Variants in SACM1L observed in about 807,000 individuals in gnomAD.
SACM1L encodes phosphatidylinositol-3-phosphatase SAC1.
Under a neutral mutation model 89.5 loss-of-function variants are expected in SACM1L, and 32 were observed. The observed-to-expected ratio is 0.36, with a 90% CI of 0.27 to 0.48. The LOEUF (loss-of-function observed/expected upper bound fraction) is 0.48. Ranked by LOEUF, SACM1L falls within the 20% of genes least tolerant of loss-of-function variation. SACM1L has a pLI of 0.99. For missense variants in SACM1L, 543 were observed against 708.5 expected (o/e 0.77, Z 2.65); for synonymous variants, 213 against 232.8 (o/e 0.92, Z 0.77).
intron 4 of SACM1L, 163 bp downstream of exon 4, chr3:45,707,070 T>C (rs1575391612): frequency 1.8e-6 from 1 of 547,476 alleles, no homozygotes; most frequent in Non-Finnish European, 3.0e-6. Context: ...ATAAAAAATA[T>C]TTTTTAAATC....
intron 6 of SACM1L, 117 bp downstream of exon 6, chr3:45,713,313 G>A (rs1698569512): frequency 1.3e-6 from 1 of 782,388 alleles, no homozygotes; most frequent in Non-Finnish European, 2.0e-6. Context: ...TAATTTAACT[G>A]TTTATAACTT....
rs1310026531 is a variant in SACM1L, at chr3:45,726,902, G to A, written c.921+3359G>A. ...TTTTTTTTTTTTTTTTTTTTGAGAC[G>A]GAGTCTCGCTCTGTCACCCAGGCCG... On this transcript the variant is annotated intron_variant, in intron 11 of 19. Transcript: ENST00000389061. Among the ~76,000 whole-genome samples the A allele has an allele frequency of 8.0e-4, 13 of 16,204 alleles. 1 individual carries two copies. The highest frequency in any genetic ancestry group is 7.1e-3 in the East Asian group (11 of 1,542). 10.6% of individuals were successfully genotyped at this position (16,204 alleles called of 152,430 possible). A position where few individuals can be genotyped will look rare whatever the true frequency, so the allele number is the denominator to read the frequency against.
At chr3:45,723,091 C>T in intron 10 of SACM1L, 136 bp downstream of exon 10, 1 of 736,876 alleles carries the variant, frequency 1.4e-6, no homozygotes, top group Non-Finnish European at 2.2e-6. Context: ...GGTTCCGGCA[C>T]ATAGTAAACC....
At chr3:45,723,775 A>G (rs144504716) in intron 11 of SACM1L, among the ~76,000 whole-genome samples, 64 of 152,072 alleles carry the variant, frequency 4.2e-4, no homozygotes, top group African/African-American at 1.5e-3. Flanking sequence ...TGGTAATTCT[A>G]TTTTACTTTC....
At chr3:45,723,044 T>G in intron 10 of SACM1L, 89 bp downstream of exon 10, 1 of 1,114,824 alleles carries the variant, frequency 9.0e-7, no homozygotes, top group Non-Finnish European at 1.3e-6. Context: ...TTATTCCGCA[T>G]AAATCAATGT....
At chr3:45,696,911 A>ACT (rs1698140800) in intron 1 of SACM1L, among the ~76,000 whole-genome samples, 1 of 152,222 alleles carries the variant, frequency 6.6e-6, no homozygotes, top group African/African-American at 2.4e-5. Flanking sequence ...ATTTAACAAG[A>ACT]CTAATTTTTT....
At chr3:45,718,887 A>G (rs1290785466) in intron 7 of SACM1L, among the ~76,000 whole-genome samples, 1 of 152,106 alleles carries the variant, frequency 6.6e-6, no homozygotes. Context: ...AGTAAGGGAA[A>G]TAACTTTATA....
chr3:45,716,432 G>T (rs1280867778), intron 7 of SACM1L, among the ~76,000 whole-genome samples: 1 of 152,166 alleles, frequency 6.6e-6, no homozygotes, highest in Admixed American at 6.5e-5. Context: ...TCACACCACT[G>T]TGTTCTAGCC....
chr3:45,733,203 A>C (rs188789739), intron 13 of SACM1L, among the ~76,000 whole-genome samples: 2 of 152,350 alleles, frequency 1.3e-5, no homozygotes, highest in African/African-American at 2.4e-5. Flanking sequence ...TGTGGTCCAC[A>C]GGGAGAGCAG....
intron 1 of SACM1L, among the ~76,000 whole-genome samples, chr3:45,693,860 T>G (rs1269730546): frequency 2.6e-5 from 4 of 152,232 alleles, no homozygotes; most frequent in Non-Finnish European, 5.9e-5. Context: ...GTTCTAAATA[T>G]CCTGTTAGGC....
At chr3:45,732,468 A>G (rs1227177785) in intron 13 of SACM1L, among the ~76,000 whole-genome samples, 1 of 152,194 alleles carries the variant, frequency 6.6e-6, no homozygotes, top group East Asian at 1.9e-4. Context: ...TAGACATTCT[A>G]TCACAAGTAT....
At chr3:45,701,243 AG>A (rs1420028708) in intron 1 of SACM1L, among the ~76,000 whole-genome samples, 1 of 152,076 alleles carries the variant, frequency 6.6e-6, no homozygotes, top group East Asian at 1.9e-4. Flanking sequence ...TTGTAGTAAT[AG>A]AGTATGGTGA....
chr3:45,696,887 T>C lies in SACM1L; in HGVS notation c.33-6551T>C, dbSNP rs181975148. On this transcript the variant is annotated intron_variant, in intron 1 of 19. Transcript: ENST00000389061. ...GATGTTAATATTATAATTAAAGATA[T>C]TGCTTTTCTTAAAATTTAACAAGAC... Among the ~76,000 whole-genome samples the C allele has an allele frequency of 7.5e-4, 115 of 152,326 alleles. No homozygotes were observed. In the Middle Eastern group the frequency reaches 0.01, roughly 14 times the overall value.
chr3:45,719,853 G>A (rs1302813299), intron 8 of SACM1L, among the ~76,000 whole-genome samples: 1 of 152,106 alleles, frequency 6.6e-6, no homozygotes, highest in Non-Finnish European at 1.5e-5. Context: ...GTTGTTTGCT[G>A]GATGTCCGAA....
chr3:45,692,028 C>T (rs1483801899), intron 1 of SACM1L, among the ~76,000 whole-genome samples: 1 of 152,222 alleles, frequency 6.6e-6, no homozygotes, highest in African/African-American at 2.4e-5. Flanking sequence ...CTTTTCCCCA[C>T]TTCTGCAAAA....
At chr3:45,719,349 A>C in intron 7 of SACM1L, 151 bp from the exon 8 acceptor site, 1 of 434,980 alleles carries the variant, frequency 2.3e-6, no homozygotes, top group South Asian at 3.9e-5. Context: ...AGTTGATTAT[A>C]GTACTAAGGG....
rs187761361 is a variant in SACM1L at position 45,720,441 on chromosome 3, C to T, written c.679+840C>T. Among the ~76,000 whole-genome samples, 1,222 of 135,630 alleles carry T rather than the reference C, an allele frequency of 9.0e-3. 8 individuals are homozygous for T. The highest frequency in any genetic ancestry group is 0.014 in the Non-Finnish European group (922 of 67,812). 89.0% of individuals were successfully genotyped at this position (135,630 alleles called of 152,430 possible). On this transcript the variant is annotated intron_variant, in intron 8 of 19. Transcript: ENST00000389061. ...CTGACCTCATCTGCTTGGTTCTTAC[C>T]CCCTTCCCAGCTAATCAGATGTTAG...
intron 7 of SACM1L, among the ~76,000 whole-genome samples, chr3:45,716,596 G>C (rs1698669887): frequency 6.6e-6 from 1 of 152,156 alleles, no homozygotes; most frequent in Non-Finnish European, 1.5e-5. Context: ...TACCACTGTA[G>C]AAGGGAAGCA....
chr3:45,721,795 T>A (rs886384131), intron 8 of SACM1L, among the ~76,000 whole-genome samples: 1 of 152,196 alleles, frequency 6.6e-6, no homozygotes, highest in Non-Finnish European at 1.5e-5. Flanking sequence ...TTTTTAATAC[T>A]CCTCTTTAAG....
Sources: gnomAD v4.1 joint callset for allele counts (sites outside exome capture counted in the v4.1 genomes callset) on GRCh38, gnomAD v4.1.1 for gene constraint, MANE v1.5 for transcripts, NCBI Gene and HGNC (gene_info 2026-07-23, HGNC 2026-07-21) for gene names.